GRM8: variants seen among roughly 807,000 people sequenced by gnomAD.
GRM8 encodes the protein metabotropic glutamate receptor 8.
In GRM8, 47 loss-of-function variants were observed where a neutral mutation model predicts 87.2. The ratio of observed to expected loss-of-function variants is 0.54; its 90% confidence interval spans 0.43 to 0.69. GRM8 has a LOEUF of 0.69. GRM8 is among the 30% of genes least tolerant of loss of function. GRM8 has a pLI of 0.00. For synonymous variants in GRM8, 396 were observed against 404.5 expected (o/e 0.98, Z 0.25); for missense variants, 1,019 against 1,139.2 (o/e 0.89, Z 1.52).
At chr7:126,908,439 A>T (rs2535939) in intron 3 of GRM8, among the ~76,000 whole-genome samples, 1 of 151,916 alleles carries the variant, frequency 6.6e-6, no homozygotes, top group Non-Finnish European at 1.5e-5. Flanking sequence ...GTAACACTCT[A>T]TAGGGAACAA....
chr7:127,198,790 T>C (rs978140790), intron 2 of GRM8, among the ~76,000 whole-genome samples: 2 of 151,646 alleles, frequency 1.3e-5, no homozygotes, highest in Non-Finnish European at 2.9e-5. Flanking sequence ...CCCTCCTGCC[T>C]CAGCTTCCCA....
At chr7:126,959,062 A>T (rs1282828672) in intron 3 of GRM8, among the ~76,000 whole-genome samples, 1 of 152,234 alleles carries the variant, frequency 6.6e-6, no homozygotes, top group Non-Finnish European at 1.5e-5. Flanking sequence ...TCTGGAAGAT[A>T]AAAGGAGATG....
At chr7:126,905,022 A>G (rs1462782694) in intron 3 of GRM8, among the ~76,000 whole-genome samples, 1 of 152,250 alleles carries the variant, frequency 6.6e-6, no homozygotes, top group Non-Finnish European at 1.5e-5. Flanking sequence ...GCCAAAGGAC[A>G]AGTGACAGAA....
At position 126,773,905 on chromosome 7, in the gene GRM8, T is replaced by C. The variant is rs138057883; in HGVS notation, c.1157-3840A>G. On this transcript the variant is annotated intron_variant, in intron 6 of 10. Transcript: ENST00000339582. ...GAACAATCAAATACACATAATCTTA[T>C]TAAAGAAACATATTTAAAATTGTAC... 3.9e-3 allele frequency among the ~76,000 whole-genome samples: 594 copies of C among 152,274 alleles called. 6 individuals carry two copies. The highest frequency in any genetic ancestry group is 0.012 in the African/African-American group (508 of 41,572).
At chr7:126,832,454 T>C (rs1795483004) in intron 6 of GRM8, among the ~76,000 whole-genome samples, 3 of 152,178 alleles carry the variant, frequency 2.0e-5, no homozygotes, top group Non-Finnish European at 4.4e-5. Context: ...TCTATTCAGA[T>C]GAAGCCAACA....
intron 7 of GRM8, among the ~76,000 whole-genome samples, chr7:126,644,912 T>G (rs1802873869): frequency 6.6e-6 from 1 of 152,196 alleles, no homozygotes; most frequent in African/African-American, 2.4e-5. Flanking sequence ...TTCTCTACAC[T>G]CTCCCCAGTG....
At chr7:126,869,820 T>C (rs923255958) in intron 6 of GRM8, 11 of 151,382 alleles carry the variant, frequency 7.3e-5, no homozygotes, top group Non-Finnish European at 1.0e-4. Context: ...ATTTTCAGAA[T>C]GGTCAATGAG....
At chr7:127,246,025 G>A (rs540674534) in intron 1 of GRM8, among the ~76,000 whole-genome samples, 2 of 151,996 alleles carry the variant, frequency 1.3e-5, no homozygotes, top group Non-Finnish European at 2.9e-5. Context: ...ACTGAATTTC[G>A]TTTGTCACTT....
chr7:126,479,325 G>A (rs1316742260), intron 9 of GRM8, among the ~76,000 whole-genome samples: 1 of 151,994 alleles, frequency 6.6e-6, no homozygotes, highest in Non-Finnish European at 1.5e-5. Flanking sequence ...AACCATAAAT[G>A]TAATCTAATT....
intron 6 of GRM8, among the ~76,000 whole-genome samples, chr7:126,854,264 C>T (rs1480936390): frequency 1.3e-5 from 2 of 152,166 alleles, no homozygotes; most frequent in Non-Finnish European, 2.9e-5. Flanking sequence ...CAGGGAAATC[C>T]TTCATTTAGA....
intron 6 of GRM8, among the ~76,000 whole-genome samples, chr7:126,794,416 T>C (rs1195955995): frequency 6.6e-6 from 1 of 151,976 alleles, no homozygotes; most frequent in Admixed American, 6.6e-5. Context: ...AAAGTTAACA[T>C]ACTGTCATCA....
At chr7:126,549,544 A>C (rs186558404) in intron 8 of GRM8, among the ~76,000 whole-genome samples, 120 of 152,254 alleles carry the variant, frequency 7.9e-4, no homozygotes, top group Admixed American at 3.3e-3. Context: ...TTAATTTCTA[A>C]ATGGTTGTAG....
intron 3 of GRM8, among the ~76,000 whole-genome samples, chr7:127,086,769 T>C (rs151251439): frequency 2.6e-4 from 40 of 152,366 alleles, no homozygotes; most frequent in African/African-American, 7.7e-4. Flanking sequence ...GTGCATCTTA[T>C]GGAATGTGAC....
rs1447085850 is a variant in GRM8, at chr7:126,904,023, C to T, written c.967G>A (p.Glu323Lys). 1 of 1,586,946 alleles carries T rather than the reference C, an allele frequency of 6.3e-7. No homozygotes were observed. Among genetic ancestry groups the T allele is most frequent in the Non-Finnish European group, 8.6e-7 (1 of 1,156,210 alleles). ...ATTGTCACAGCCCCTTCTGCAATCT[C>T]CTCTTGCTGATAGACAGGTGCTATT... ...SKIAPVYQQE[E>K]IAEGAVTILP... is the part of the protein sequence containing the mutation. Residue 323 changes from glutamate to lysine, a missense_variant, in exon 5 of 11, where the codon GAG becomes AAG. Physicochemically the swap from Glu to Lys is moderately conservative, Grantham distance 56 (BLOSUM62 1). Coordinates refer to ENST00000339582, the MANE Select transcript of GRM8 (RefSeq NM_000845.3).
intron 7 of GRM8, among the ~76,000 whole-genome samples, chr7:126,730,492 G>T (rs1813469526): frequency 6.6e-6 from 1 of 152,098 alleles, no homozygotes; most frequent in South Asian, 2.1e-4. Context: ...TGAATTTGGG[G>T]TAGACTGTGG....
chr7:126,601,088 C>A (rs201489816), intron 8 of GRM8, among the ~76,000 whole-genome samples: 2 of 136,162 alleles, frequency 1.5e-5, no homozygotes, highest in Admixed American at 7.7e-5. Context: ...CCCCTCCCCC[C>A]ACCCCACCAC....
intron 7 of GRM8, among the ~76,000 whole-genome samples, chr7:126,751,648 T>G (rs1014642257): frequency 1.3e-5 from 2 of 152,178 alleles, no homozygotes; most frequent in Non-Finnish European, 2.9e-5. Flanking sequence ...GAAGGCACCA[T>G]TGCACTTTAT....
chr7:126,572,369 A>T (rs1794755768), intron 8 of GRM8, among the ~76,000 whole-genome samples: 1 of 152,186 alleles, frequency 6.6e-6, no homozygotes, highest in African/African-American at 2.4e-5. Context: ...TAATATCTAT[A>T]AAATAATACA....
chr7:126,822,901 T>C (rs1794434041), intron 6 of GRM8, among the ~76,000 whole-genome samples: 1 of 152,232 alleles, frequency 6.6e-6, no homozygotes. Context: ...CATTTCTGTC[T>C]CCTAGTCTTC....
Sources: gnomAD v4.1 joint callset for allele counts (sites outside exome capture counted in the v4.1 genomes callset) on GRCh38, gnomAD v4.1.1 for gene constraint, MANE v1.5 for transcripts, NCBI Gene and HGNC (gene_info 2026-07-23, HGNC 2026-07-21) for gene names.